The following EFCAB6 variants were observed in gnomAD, a reference collection of about 807,000 sequenced individuals.
EFCAB6 encodes EF-hand calcium-binding domain-containing protein 6.
In EFCAB6, 156 loss-of-function variants were observed where a neutral mutation model predicts 169.8. The ratio of observed to expected loss-of-function variants is 0.92; its 90% CI spans 0.81 to 1.05. EFCAB6 has a LOEUF of 1.05. Among genes scored for constraint, EFCAB6 ranks in the 50% least tolerant of loss-of-function variants. The pLI, the probability that EFCAB6 is intolerant of heterozygous loss-of-function variation, is 0.00. For synonymous variants in EFCAB6, 698 were observed against 676.4 expected, an observed-to-expected ratio of 1.03 and a Z score of -0.50; for missense variants, 1,800 against 1,829.1, an observed-to-expected ratio of 0.98 and a Z score of 0.29.
At chr22:43,774,963 G>A (rs2061591943) in intron 3 of EFCAB6, among the ~76,000 whole-genome samples, 1 of 152,128 alleles carries the variant, frequency 6.6e-6, no homozygotes, top group Non-Finnish European at 1.5e-5. Flanking sequence ...GTACCACGTG[G>A]AGGAGGAACC....
chr22:43,551,108 T>C (rs139793499), intron 27 of EFCAB6, among the ~76,000 whole-genome samples: 138 of 152,330 alleles, frequency 9.1e-4, no homozygotes, highest in African/African-American at 3.2e-3. Context: ...TAATTTAATA[T>C]GGTTGAACTG....
At chr22:43,724,073 G>T (rs188447231) in intron 8 of EFCAB6, among the ~76,000 whole-genome samples, 7 of 152,270 alleles carry the variant, frequency 4.6e-5, no homozygotes, top group Admixed American at 1.3e-4. Flanking sequence ...CTTCAGGATT[G>T]TAAGTTTTAT....
intron 22 of EFCAB6, among the ~76,000 whole-genome samples, chr22:43,602,202 C>G (rs2052572497): frequency 6.6e-6 from 1 of 152,224 alleles, no homozygotes; most frequent in Non-Finnish European, 1.5e-5. Context: ...GCTCCTTATC[C>G]CCTGCAGACC....
intron 3 of EFCAB6, among the ~76,000 whole-genome samples, chr22:43,776,434 A>G (rs1395725700): frequency 1.3e-5 from 2 of 152,208 alleles, no homozygotes; most frequent in African/African-American, 2.4e-5. Flanking sequence ...TAAACAAATG[A>G]TAGGGTCATG....
chr22:43,571,304 A>G (rs2147210992), intron 26 of EFCAB6, among the ~76,000 whole-genome samples: 1 of 152,248 alleles, frequency 6.6e-6, no homozygotes, highest in African/African-American at 2.4e-5. Context: ...CTGAGAATGG[A>G]TTGCTTTGGC....
chr22:43,665,354 T>C (rs569470568), intron 17 of EFCAB6, among the ~76,000 whole-genome samples: 3 of 152,316 alleles, frequency 2.0e-5, no homozygotes, highest in East Asian at 3.9e-4. Context: ...GAGCTGCTCT[T>C]GGACTCAGAT....
intron 26 of EFCAB6, among the ~76,000 whole-genome samples, chr22:43,561,356 C>CAAAAAA (rs768942774): frequency 0.067 from 7,483 of 111,460 alleles, 210 homozygotes; most frequent in Middle Eastern, 0.11. Context: ...GACTCTGTCT[C>CAAAAAA]AAAAAAAAAA....
At chr22:43,585,967 T>G (rs1047298770) in intron 24 of EFCAB6, among the ~76,000 whole-genome samples, 1 of 151,974 alleles carries the variant, frequency 6.6e-6, no homozygotes, top group African/African-American at 2.4e-5. Flanking sequence ...CTCAGACAAA[T>G]AAAACTGAGA....
At chr22:43,801,890 G>C (rs1197374893) in intron 2 of EFCAB6, among the ~76,000 whole-genome samples, 4 of 152,134 alleles carry the variant, frequency 2.6e-5, no homozygotes, top group African/African-American at 9.7e-5. Flanking sequence ...AATGTTCATT[G>C]ACTCGGTTCT....
intron 17 of EFCAB6, among the ~76,000 whole-genome samples, chr22:43,637,622 C>T (rs917226441): frequency 2.0e-5 from 3 of 152,122 alleles, no homozygotes; most frequent in Non-Finnish European, 1.5e-5. Flanking sequence ...GAGACCGAGG[C>T]GGGTGGCAAC....
intron 10 of EFCAB6, among the ~76,000 whole-genome samples, chr22:43,688,828 G>A (rs1466689206): frequency 1.3e-5 from 2 of 152,198 alleles, no homozygotes; most frequent in Non-Finnish European, 2.9e-5. Context: ...TTTGGGCTGA[G>A]TTCCTTAGAT....
rs1359179211 is a variant in EFCAB6 at position 43,801,267 on chromosome 22, C to CT, written c.-8+7727dup. ...TTCAAATATGAAGAACAGATAAAGT[C>CT]TTTCCCAGACAAACAAAAGTTGAGA... On this transcript the variant is annotated intron_variant, in intron 2 of 31. Coordinates refer to ENST00000262726, the MANE Select transcript of EFCAB6 (RefSeq NM_022785.4). Among the ~76,000 whole-genome samples the CT allele has an allele frequency of 2.0e-5, 3 of 152,100 alleles. No homozygotes were observed. In the East Asian group the frequency reaches 5.8e-4, roughly 29 times the overall value.
chr22:43,612,836 G>A (rs1473795152), intron 21 of EFCAB6, among the ~76,000 whole-genome samples: 1 of 151,636 alleles, frequency 6.6e-6, no homozygotes, highest in Non-Finnish European at 1.5e-5. Context: ...GGAGGTTGCA[G>A]TGAGCCTAGA....
At chr22:43,602,117 CTGGGAGCCGTCCCGGGCAGT>C in intron 22 of EFCAB6, among the ~76,000 whole-genome samples, 1 of 152,356 alleles carries the variant, frequency 6.6e-6, no homozygotes, top group African/African-American at 2.4e-5. Context: ...AGTCCCTCAG[CTGGGAGCCGTCCCGGGCAGT>C]CCTAGACATG....
intron 13 of EFCAB6, among the ~76,000 whole-genome samples, chr22:43,676,146 G>A (rs910834768): frequency 1.6e-4 from 24 of 152,086 alleles, no homozygotes; most frequent in Non-Finnish European, 2.8e-4. Flanking sequence ...GGCCAGGCGC[G>A]GTGGCTCAAG....
At chr22:43,574,126 C>G (rs1356183873) in intron 26 of EFCAB6, among the ~76,000 whole-genome samples, 1 of 150,230 alleles carries the variant, frequency 6.7e-6, no homozygotes, top group Non-Finnish European at 1.5e-5. Context: ...ATTACAGAGG[C>G]AAAAGCTGGA....
intron 21 of EFCAB6, among the ~76,000 whole-genome samples, chr22:43,614,974 C>G (rs1402895510): frequency 6.6e-6 from 1 of 152,176 alleles, no homozygotes; most frequent in Non-Finnish European, 1.5e-5. Flanking sequence ...ACAGCACAGA[C>G]AGTCCACTCT....
chr22:43,721,249 T>C (rs1341468679), intron 8 of EFCAB6, among the ~76,000 whole-genome samples: 4 of 151,998 alleles, frequency 2.6e-5, no homozygotes, highest in African/African-American at 9.7e-5. Flanking sequence ...GTGGAAAAAA[T>C]ATTCTATGCT....
intron 17 of EFCAB6, among the ~76,000 whole-genome samples, chr22:43,645,752 A>ATC (rs969807549): frequency 6.6e-6 from 1 of 152,204 alleles, no homozygotes; most frequent in African/African-American, 2.4e-5. Flanking sequence ...TGCATTTCTT[A>ATC]GAGTGTTTTA....
Sources: gnomAD v4.1 joint callset for allele counts (sites outside exome capture counted in the v4.1 genomes callset) on GRCh38, gnomAD v4.1.1 for gene constraint, MANE v1.5 for transcripts, NCBI Gene and HGNC (gene_info 2026-07-23, HGNC 2026-07-21) for gene names.